Variants in MAP3K5 observed in about 807,000 individuals in gnomAD.
The protein encoded by MAP3K5 is mitogen-activated protein kinase kinase kinase 5, also known as ASK-1.
MAP3K5 carries 56 observed loss-of-function variants against 158.7 expected under a neutral mutation model. The observed-to-expected ratio is 0.35, with a 90% CI of 0.28 to 0.44. MAP3K5 has a LOEUF of 0.44. Among genes scored for constraint, MAP3K5 ranks in the 20% least tolerant of loss-of-function variants. The probability of loss-of-function intolerance (pLI) is 1.00; values close to 1 mark genes in which losing one functional copy is unlikely to be tolerated. For missense variants in MAP3K5, 1,294 were observed against 1,674.8 expected, an observed-to-expected ratio of 0.77 and a Z score of 3.97; for synonymous variants, 579 against 601.7, an observed-to-expected ratio of 0.96 and a Z score of 0.55.
chr6:136,682,368 A>C (rs1267600637), intron 7 of MAP3K5, among the ~76,000 whole-genome samples: 1 of 152,226 alleles, frequency 6.6e-6, no homozygotes, highest in African/African-American at 2.4e-5. Flanking sequence ...CATAACTCGA[A>C]GCCAAGACAA....
intron 25 of MAP3K5, among the ~76,000 whole-genome samples, chr6:136,573,633 G>A (rs937244927): frequency 2.0e-5 from 3 of 152,158 alleles, no homozygotes; most frequent in Non-Finnish European, 4.4e-5. Flanking sequence ...CAGAGTTCTG[G>A]GGGAGGGGAG....
chr6:136,733,188 C>T (rs563240347), intron 1 of MAP3K5, among the ~76,000 whole-genome samples: 2 of 152,266 alleles, frequency 1.3e-5, no homozygotes, highest in Admixed American at 1.3e-4. Flanking sequence ...TTTGTAGATA[C>T]AGTGTCTCAC....
At position 136,590,058 on chromosome 6, in the gene MAP3K5, A is replaced by G. The variant is rs147286233; in HGVS notation, c.3225+2115T>C. On this transcript the variant is annotated intron_variant, in intron 23 of 29. Coordinates refer to ENST00000359015, the MANE Select transcript of MAP3K5 (RefSeq NM_005923.4). ...GATTAATGCAGTTAATGTAGTTCTC[A>G]ACAGACTGGGTTAGTTCTCAGGAAA... Among the ~76,000 whole-genome samples the G allele has an allele frequency of 6.2e-3, 941 of 152,300 alleles. 10 individuals are homozygous for G. Among genetic ancestry groups the G allele is most frequent in the African/African-American group, 0.022 (901 of 41,564 alleles).
In MAP3K5 at chr6:136,679,339, G is replaced by A. The variant is rs571502620; in HGVS notation, c.1254-9944C>T. Among the ~76,000 whole-genome samples, 11 of 152,298 alleles carry A rather than the reference G, an allele frequency of 7.2e-5. No homozygotes were observed. The South Asian group carries it at 2.3e-3, about 32-fold the overall frequency. Reference sequence around the variant, plus strand: ...TGTACTTTCCAACAAAGAAGACACTGAGCTCAAGTCAAGTTCTTGCTATTT... The same window carrying A: ...TGTACTTTCCAACAAAGAAGACACTAAGCTCAAGTCAAGTTCTTGCTATTT... On this transcript the variant is annotated intron_variant, in intron 7 of 29. Coordinates refer to ENST00000359015, the MANE Select transcript of MAP3K5 (RefSeq NM_005923.4).
intron 1 of MAP3K5, among the ~76,000 whole-genome samples, chr6:136,744,209 A>G (rs1030899185): frequency 9.9e-5 from 15 of 152,158 alleles, no homozygotes; most frequent in African/African-American, 2.9e-4. Flanking sequence ...AATTGTAACA[A>G]ATGCACCACT....
chr6:136,598,237 G>A (rs1775718447), intron 21 of MAP3K5, among the ~76,000 whole-genome samples: 1 of 151,980 alleles, frequency 6.6e-6, no homozygotes, highest in Admixed American at 6.6e-5. Flanking sequence ...GCGAGAAGTC[G>A]CCTCACCTGG....
chr6:136,695,622 T>C (rs1316962672), intron 6 of MAP3K5, among the ~76,000 whole-genome samples: 1 of 152,230 alleles, frequency 6.6e-6, no homozygotes, highest in Non-Finnish European at 1.5e-5. Context: ...CCATCTGGTG[T>C]TGAGTGTATT....
intron 7 of MAP3K5, among the ~76,000 whole-genome samples, chr6:136,670,174 G>C (rs994351471): frequency 6.6e-6 from 1 of 152,028 alleles, no homozygotes; most frequent in African/African-American, 2.4e-5. Context: ...ATAAAACCGA[G>C]TATCAACCTT....
At chr6:136,747,974 G>T (rs184469078) in intron 1 of MAP3K5, among the ~76,000 whole-genome samples, 1 of 152,266 alleles carries the variant, frequency 6.6e-6, no homozygotes, top group East Asian at 1.9e-4. Flanking sequence ...CAGATATATG[G>T]TGGTTCTTTG....
At chr6:136,691,420 G>T (rs1780382121) in intron 7 of MAP3K5, among the ~76,000 whole-genome samples, 1 of 152,100 alleles carries the variant, frequency 6.6e-6, no homozygotes, top group Non-Finnish European at 1.5e-5. Context: ...ACACCAGCCT[G>T]GACAACATGG....
intron 1 of MAP3K5, among the ~76,000 whole-genome samples, chr6:136,727,659 T>A (rs1445951391): frequency 6.6e-6 from 1 of 152,178 alleles, no homozygotes; most frequent in Non-Finnish European, 1.5e-5. Flanking sequence ...CTGCCACATT[T>A]AGAAATTTAA....
chr6:136,604,765 CT>C (rs1776029250), intron 19 of MAP3K5, among the ~76,000 whole-genome samples: 1 of 48,110 alleles, frequency 2.1e-5, no homozygotes, highest in African/African-American at 1.7e-4. Flanking sequence ...GGTAATTATG[CT>C]CTTTTTTTTT....
intron 7 of MAP3K5, among the ~76,000 whole-genome samples, chr6:136,678,503 T>C (rs532974971): frequency 6.6e-6 from 1 of 152,070 alleles, no homozygotes; most frequent in East Asian, 1.9e-4. Context: ...TAAAGAAATC[T>C]AAACAATGAT....
At chr6:136,749,403 C>T (rs1783097462) in intron 1 of MAP3K5, among the ~76,000 whole-genome samples, 2 of 151,234 alleles carry the variant, frequency 1.3e-5, no homozygotes, top group Non-Finnish European at 2.9e-5. Flanking sequence ...ATTATGAGGG[C>T]TCCATTAGGG....
At position 136,756,090 on chromosome 6, in the gene MAP3K5, T is replaced by A. The variant is rs547364923; in HGVS notation, c.449-35501A>T. On this transcript the variant is annotated intron_variant, in intron 1 of 29. Transcript: ENST00000359015. ...GGGAGGCCAAAATGGGCAGATCGCTTGAGCCCAGGAGTTCAAGACGAGCCT... is the reference window on the plus strand; with the variant it reads ...GGGAGGCCAAAATGGGCAGATCGCTAGAGCCCAGGAGTTCAAGACGAGCCT... Among the ~76,000 whole-genome samples the A allele has an allele frequency of 4.6e-5, 7 of 151,676 alleles. No homozygotes were observed. The South Asian group carries it at 1.5e-3, about 32-fold the overall frequency.
At chr6:136,754,896 T>C (rs1783404546) in intron 1 of MAP3K5, among the ~76,000 whole-genome samples, 3 of 152,148 alleles carry the variant, frequency 2.0e-5, no homozygotes, top group Admixed American at 2.0e-4. Flanking sequence ...ATGCTTCAGA[T>C]GTTGGGGAAA....
At chr6:136,737,282 G>C (rs1782518572) in intron 1 of MAP3K5, among the ~76,000 whole-genome samples, 1 of 152,004 alleles carries the variant, frequency 6.6e-6, no homozygotes, top group Non-Finnish European at 1.5e-5. Flanking sequence ...CTACCTATTG[G>C]ATATTATGCT....
chr6:136,580,943 G>T (rs1189844571), intron 24 of MAP3K5, among the ~76,000 whole-genome samples: 1 of 152,062 alleles, frequency 6.6e-6, no homozygotes, highest in African/African-American at 2.4e-5. Flanking sequence ...GCCTCCCAAA[G>T]TGCTGGCATT....
At chr6:136,783,882 A>G (rs1302770902) in intron 1 of MAP3K5, among the ~76,000 whole-genome samples, 1 of 117,068 alleles carries the variant, frequency 8.5e-6, no homozygotes, top group South Asian at 2.8e-4. Flanking sequence ...AGACTTGCAC[A>G]TTTCCCGGAC....
Sources: gnomAD v4.1 joint callset for allele counts (sites outside exome capture counted in the v4.1 genomes callset) on GRCh38, gnomAD v4.1.1 for gene constraint, MANE v1.5 for transcripts, NCBI Gene and HGNC (gene_info 2026-07-23, HGNC 2026-07-21) for gene names.